C7: variants seen among roughly 807,000 people sequenced by gnomAD.
The protein encoded by C7 is complement component C7.
Under a neutral mutation model 104.8 loss-of-function variants are expected in C7, and 83 were observed. The observed-to-expected ratio is 0.79, with a 90% CI of 0.66 to 0.95. The LOEUF is 0.95. C7 is among the 40% of genes least tolerant of loss of function. The probability of loss-of-function intolerance (pLI) is 0.00; values close to 1 mark genes in which losing one functional copy is unlikely to be tolerated. For missense variants in C7, 1,070 were observed against 1,011.2 expected (o/e 1.06, Z -0.79); for synonymous variants, 415 against 360.6 (o/e 1.15, Z -1.71).
intron 16 of C7, among the ~76,000 whole-genome samples, chr5:40,977,434 T>C (rs1740842585): frequency 6.6e-6 from 1 of 152,162 alleles, no homozygotes; most frequent in Admixed American, 6.5e-5. Context: ...GAAAGGAAAC[T>C]ACAAGTCCCA....
At chr5:40,976,973 A>C (rs1276162313) in intron 16 of C7, 133 bp downstream of exon 16, 2 of 653,746 alleles carry the variant, frequency 3.1e-6, no homozygotes, top group Non-Finnish European at 5.1e-6. Context: ...ATTTCGATGT[A>C]GTCCATCTGC....
intron 1 of C7, among the ~76,000 whole-genome samples, chr5:40,911,880 A>G (rs1488079072): frequency 6.6e-6 from 1 of 151,342 alleles, no homozygotes; most frequent in Non-Finnish European, 1.5e-5. Context: ...CTGGGGCTAC[A>G]GGCGTGCGCC....
intron 15 of C7, among the ~76,000 whole-genome samples, chr5:40,973,097 G>T (rs1224837551): frequency 6.6e-6 from 1 of 152,128 alleles, no homozygotes; most frequent in Non-Finnish European, 1.5e-5. Flanking sequence ...AAGGAAAAGT[G>T]TTGTGATTCA....
At chr5:40,957,450 T>C (rs143145015) in intron 10 of C7, among the ~76,000 whole-genome samples, 1 of 151,314 alleles carries the variant, frequency 6.6e-6, no homozygotes, top group Non-Finnish European at 1.5e-5. Context: ...AATGTCCTAT[T>C]TTATTTTATT....
At chr5:40,953,274 TTATC>T (rs1271362580) in intron 9 of C7, among the ~76,000 whole-genome samples, 2 of 152,146 alleles carry the variant, frequency 1.3e-5, no homozygotes, top group Non-Finnish European at 2.9e-5. Flanking sequence ...AGAATGATAA[TTATC>T]AGAAGCTGGG....
intron 3 of C7, among the ~76,000 whole-genome samples, chr5:40,933,007 G>A (rs909299309): frequency 7.2e-5 from 11 of 152,088 alleles, no homozygotes; most frequent in African/African-American, 2.7e-4. Flanking sequence ...ACACCATCTG[G>A]GCTCTGGAAC....
rs201240159 is a variant in C7 at position 40,979,911 on chromosome 5, T to C, written c.2350+2T>C. On this transcript the variant is annotated splice_donor_variant, in intron 17 of 17. Coordinates refer to ENST00000313164, the MANE Select transcript of C7 (RefSeq NM_000587.4). LOFTEE classifies it high-confidence loss of function. ...GCCCACTGTGGGGAAAATGTGATGG[T>C]AAGGGGCCTTTCATATTTGTAAGTA... The C allele has an allele frequency of 4.5e-4, 705 of 1,570,952 alleles. No individual in the cohort carries two copies. Among genetic ancestry groups the C allele is most frequent in the Non-Finnish European group, 5.7e-4 (658 of 1,156,252 alleles).
At chr5:40,925,698 C>T (rs373604068) in intron 1 of C7, among the ~76,000 whole-genome samples, 2 of 152,132 alleles carry the variant, frequency 1.3e-5, no homozygotes, top group East Asian at 1.9e-4. Flanking sequence ...GTTCTGTAGG[C>T]TGTACAAGCA....
intron 14 of C7, among the ~76,000 whole-genome samples, chr5:40,965,653 T>A (rs1740531506): frequency 6.7e-6 from 1 of 149,168 alleles, no homozygotes; most frequent in African/African-American, 2.5e-5. Flanking sequence ...TATATATTTT[T>A]TTTTTGGAGA....
chr5:40,930,814 C>T (rs1305834641), intron 2 of C7, among the ~76,000 whole-genome samples: 2 of 152,042 alleles, frequency 1.3e-5, no homozygotes, highest in African/African-American at 4.8e-5. Context: ...GATCTGCCCG[C>T]CTCAGCCTCC....
intron 14 of C7, 21 bp downstream of exon 14, chr5:40,964,894 A>G (rs1370495138): frequency 1.2e-6 from 2 of 1,612,184 alleles, no homozygotes; most frequent in East Asian, 2.2e-5. Flanking sequence ...TCAGTTGTAT[A>G]TAATTTAAGA....
chr5:40,972,599 G>C lies in C7; in HGVS notation c.2074+5G>C. ...ATGCCCGCTGTGTACAAAAAGGTGA[G>C]TGGCTTCCATGTCTATCCAAGGACA... On this transcript the variant is annotated splice_donor_5th_base_variant and intron_variant, in intron 15 of 17. Coordinates refer to ENST00000313164, the MANE Select transcript of C7 (RefSeq NM_000587.4). The C allele has an allele frequency of 6.3e-7, 1 of 1,584,182 alleles. No individual in the cohort carries two copies. Among genetic ancestry groups the C allele is most frequent in the Non-Finnish European group, 8.6e-7 (1 of 1,166,404 alleles).
rs775851551 is a variant in C7, at chr5:40,981,647, T to C, written c.*74T>C. 3.6e-5 allele frequency: 47 copies of C among 1,288,440 alleles called. No individual in the cohort carries two copies. The highest frequency in any genetic ancestry group is 1.2e-4 in the Admixed American group (5 of 41,718). 79.8% of individuals were successfully genotyped at this position (1,288,440 alleles called of 1,614,324 possible). The stretch of plus-strand genomic sequence containing the variant: ...GGCTGAGTGAAAACATCTGCACAAC[T>C]GGGCACTGGACAGCTTTTCCTTCTT... On this transcript the variant is annotated 3_prime_UTR_variant, in exon 18 of 18. Transcript: ENST00000313164.
At chr5:40,935,723 C>G (rs1561242971) in intron 4 of C7, among the ~76,000 whole-genome samples, 1 of 152,122 alleles carries the variant, frequency 6.6e-6, no homozygotes, top group Non-Finnish European at 1.5e-5. Context: ...TAGGCAGGAA[C>G]TAGATCATCT....
At chr5:40,917,862 C>T (rs1739352792) in intron 1 of C7, among the ~76,000 whole-genome samples, 1 of 152,020 alleles carries the variant, frequency 6.6e-6, no homozygotes, top group Non-Finnish European at 1.5e-5. Flanking sequence ...TTAATGACAA[C>T]TATAGTAACA....
chr5:40,948,057 G>A (rs1487580965), intron 8 of C7, among the ~76,000 whole-genome samples: 1 of 152,124 alleles, frequency 6.6e-6, no homozygotes, highest in Non-Finnish European at 1.5e-5. Context: ...AGTACCTTGA[G>A]CTAAATCATT....
intron 6 of C7, among the ~76,000 whole-genome samples, chr5:40,939,781 G>A (rs371464894): frequency 4.6e-5 from 7 of 152,198 alleles, no homozygotes; most frequent in African/African-American, 1.4e-4. Flanking sequence ...TTCTGACTTC[G>A]TTGGAAGGTA....
In C7 at chr5:40,961,471, G is replaced by A. The variant is rs141618981; in HGVS notation, c.1662-614G>A. Among the ~76,000 whole-genome samples, 398 of 151,314 alleles carry A rather than the reference G, an allele frequency of 2.6e-3. 1 individual carries two copies. The highest frequency in any genetic ancestry group is 9.0e-3 in the African/African-American group (372 of 41,196). On this transcript the variant is annotated intron_variant, in intron 12 of 17. Coordinates refer to ENST00000313164, the MANE Select transcript of C7 (RefSeq NM_000587.4). Reference sequence around the variant, plus strand: ...GGGATCTCAGCTCACTGCAATCTCCGCCTCCCAAGCTCAGGAGATTCTCCT... The same window carrying A: ...GGGATCTCAGCTCACTGCAATCTCCACCTCCCAAGCTCAGGAGATTCTCCT...
At chr5:40,915,818 C>A (rs1396425465) in intron 1 of C7, among the ~76,000 whole-genome samples, 1 of 151,852 alleles carries the variant, frequency 6.6e-6, no homozygotes, top group South Asian at 2.1e-4. Context: ...CAGAATTTTA[C>A]AACTGAAAAA....
Sources: gnomAD v4.1 joint callset for allele counts (sites outside exome capture counted in the v4.1 genomes callset) on GRCh38, gnomAD v4.1.1 for gene constraint, MANE v1.5 for transcripts, NCBI Gene and HGNC (gene_info 2026-07-23, HGNC 2026-07-21) for gene names.